Variants in SPAG16 observed in about 807,000 individuals in gnomAD.
SPAG16 encodes the protein sperm-associated antigen 16 protein.
A neutral mutation model predicts 80.4 loss-of-function variants in SPAG16; 86 were observed. The ratio of observed to expected loss-of-function variants is 1.07; its 90% CI spans 0.90 to 1.28. The LOEUF is 1.28. Ranked by LOEUF, SPAG16 falls within the 50% of genes most tolerant of loss-of-function variation. SPAG16 has a pLI of 0.00. For synonymous variants in SPAG16, 294 were observed against 265.9 expected, an observed-to-expected ratio of 1.11 and a Z score of -1.03; for missense variants, 870 against 765.3, an observed-to-expected ratio of 1.14 and a Z score of -1.61.
chr2:214,080,465 G>A (rs1326306139), intron 13 of SPAG16, among the ~76,000 whole-genome samples: 6 of 151,050 alleles, frequency 4.0e-5, no homozygotes, highest in East Asian at 3.9e-4. Flanking sequence ...AAAATTAGCC[G>A]GGCGTGGTGG....
intron 12 of SPAG16, among the ~76,000 whole-genome samples, chr2:213,964,758 A>C (rs750164715): frequency 2.3e-4 from 35 of 152,194 alleles, no homozygotes; most frequent in Non-Finnish European, 4.6e-4. Context: ...GTTCCAACCC[A>C]CTTTTAAACC....
chr2:214,249,754 A>G (rs1030662758), intron 15 of SPAG16, among the ~76,000 whole-genome samples: 1 of 152,264 alleles, frequency 6.6e-6, no homozygotes, highest in South Asian at 2.1e-4. Context: ...TAGTTCAAAG[A>G]TTTAAATTTT....
At chr2:213,289,729 G>A (rs1364773085) in intron 1 of SPAG16, among the ~76,000 whole-genome samples, 2 of 152,174 alleles carry the variant, frequency 1.3e-5, no homozygotes, top group African/African-American at 2.4e-5. Flanking sequence ...GTCTGTGTAC[G>A]TTGGCTCTGC....
At chr2:214,082,033 G>A (rs1482601648) in intron 13 of SPAG16, among the ~76,000 whole-genome samples, 2 of 151,978 alleles carry the variant, frequency 1.3e-5, no homozygotes, top group Non-Finnish European at 2.9e-5. Flanking sequence ...TTTAATTGTC[G>A]GCCTGTGGCT....
chr2:213,625,091 C>T (rs1033743320), intron 10 of SPAG16, among the ~76,000 whole-genome samples: 1 of 152,156 alleles, frequency 6.6e-6, no homozygotes, highest in Admixed American at 6.5e-5. Context: ...CCACACCCGG[C>T]CTCAGTTTTT....
intron 15 of SPAG16, among the ~76,000 whole-genome samples, chr2:214,313,796 C>A (rs1286305459): frequency 6.6e-6 from 1 of 152,034 alleles, no homozygotes; most frequent in African/African-American, 2.4e-5. Flanking sequence ...TGACCATGAG[C>A]ACTGAATGGC....
chr2:213,533,376 G>A (rs1391985367), intron 10 of SPAG16, among the ~76,000 whole-genome samples: 1 of 152,106 alleles, frequency 6.6e-6, no homozygotes, highest in Non-Finnish European at 1.5e-5. Flanking sequence ...CTAGGGTTGG[G>A]CTGACACTTT....
intron 10 of SPAG16, among the ~76,000 whole-genome samples, chr2:213,725,260 G>A (rs1287218312): frequency 1.3e-5 from 2 of 152,176 alleles, no homozygotes; most frequent in Non-Finnish European, 2.9e-5. Context: ...CTGAGCTCAA[G>A]TGATCCAGCT....
At chr2:213,753,973 G>C (rs891770949) in intron 10 of SPAG16, among the ~76,000 whole-genome samples, 18 of 152,206 alleles carry the variant, frequency 1.2e-4, no homozygotes, top group Non-Finnish European at 2.4e-4. Flanking sequence ...CGTGACATAG[G>C]TTAGAAGCAA....
At chr2:213,926,344 C>A (rs530443617) in intron 11 of SPAG16, among the ~76,000 whole-genome samples, 13 of 152,196 alleles carry the variant, frequency 8.5e-5, no homozygotes, top group African/African-American at 2.9e-4. Context: ...ATCACCCAAG[C>A]AGTATGCACT....
At chr2:213,978,965 AGAGAGAGAGAAAGAGAAAGGGAGG>A (rs1431285921) in intron 12 of SPAG16, among the ~76,000 whole-genome samples, 2 of 149,346 alleles carry the variant, frequency 1.3e-5, no homozygotes, top group African/African-American at 4.9e-5. Flanking sequence ...AAGTAATAAC[AGAGAGAGAGAAAGAGAAAGGGAGG>A]GAGAGAGAGA....
chr2:213,559,530 CA>C (rs1216947329), intron 10 of SPAG16, among the ~76,000 whole-genome samples: 1 of 152,156 alleles, frequency 6.6e-6, no homozygotes, highest in Admixed American at 6.5e-5. Flanking sequence ...AATCAAACCA[CA>C]AATTATGTTT....
intron 12 of SPAG16, among the ~76,000 whole-genome samples, chr2:214,003,730 T>A (rs2046901145): frequency 2.0e-5 from 3 of 152,202 alleles, no homozygotes; most frequent in Non-Finnish European, 4.4e-5. Flanking sequence ...TATGTTCCTA[T>A]TTAAAGATAA....
chr2:213,620,207 A>G (rs946041080), intron 10 of SPAG16, among the ~76,000 whole-genome samples: 3 of 151,538 alleles, frequency 2.0e-5, no homozygotes, highest in African/African-American at 2.4e-5. Flanking sequence ...GTACAAAATT[A>G]TAGCTTGATA....
At chr2:213,751,546 C>T (rs2068077136) in intron 10 of SPAG16, among the ~76,000 whole-genome samples, 2 of 152,182 alleles carry the variant, frequency 1.3e-5, no homozygotes, top group African/African-American at 4.8e-5. Flanking sequence ...AACTCCCTGC[C>T]ACCTCCAGTC....
At chr2:213,895,602 C>T (rs572545269) in intron 11 of SPAG16, among the ~76,000 whole-genome samples, 3 of 152,214 alleles carry the variant, frequency 2.0e-5, no homozygotes, top group East Asian at 3.9e-4. Context: ...GATATAAATC[C>T]GTGCATTTGC....
chr2:213,896,339 C>G (rs572520268), intron 11 of SPAG16, among the ~76,000 whole-genome samples: 1 of 151,944 alleles, frequency 6.6e-6, no homozygotes, highest in South Asian at 2.1e-4. Flanking sequence ...CTTTCTTATA[C>G]TGTTGGTGGG....
intron 8 of SPAG16, 104 bp downstream of exon 8, chr2:213,364,249 G>T: frequency 1.9e-6 from 1 of 517,338 alleles, no homozygotes; most frequent in Admixed American, 4.2e-5. Context: ...AGTAAGTGGT[G>T]GCTATTTCAC....
At chr2:213,468,496 TATATATAG>T (rs71060433) in intron 9 of SPAG16, among the ~76,000 whole-genome samples, 36,263 of 134,520 alleles carry the variant, frequency 0.27, 5,804 homozygotes, top group Middle Eastern at 0.43. Flanking sequence ...TATATGTATT[TATATATAG>T]ATATATATAT....
Sources: gnomAD v4.1 joint callset for allele counts (sites outside exome capture counted in the v4.1 genomes callset) on GRCh38, gnomAD v4.1.1 for gene constraint, MANE v1.5 for transcripts, NCBI Gene and HGNC (gene_info 2026-07-23, HGNC 2026-07-21) for gene names.